Variants in PDE5A observed in about 807,000 individuals in gnomAD.
PDE5A encodes the protein phosphodiesterase 5A.
A neutral mutation model predicts 110.2 loss-of-function variants in PDE5A; 67 were observed. The observed-to-expected ratio is 0.61, with a 90% CI of 0.50 to 0.75. The LOEUF is 0.75. Among genes scored for constraint, PDE5A ranks in the 30% least tolerant of loss-of-function variants. The pLI is 0.00. For missense variants in PDE5A, 862 were observed against 1,045.1 expected (o/e 0.82, Z 2.42); for synonymous variants, 328 against 351.2 (o/e 0.93, Z 0.74).
At chr4:119,624,919 T>C (rs904626496) in intron 1 of PDE5A, among the ~76,000 whole-genome samples, 3 of 152,230 alleles carry the variant, frequency 2.0e-5, no homozygotes, top group African/African-American at 7.2e-5. Flanking sequence ...CAAATTAATT[T>C]TTATGCCAAC....
intron 18 of PDE5A, among the ~76,000 whole-genome samples, chr4:119,503,945 A>T (rs1233231397): frequency 4.3e-5 from 3 of 70,442 alleles, no homozygotes; most frequent in Non-Finnish European, 1.1e-4. Flanking sequence ...AAACTTACTT[A>T]AAAAAATTTT....
intron 3 of PDE5A, among the ~76,000 whole-genome samples, chr4:119,586,899 T>G (rs1728783805): frequency 6.6e-6 from 1 of 152,208 alleles, no homozygotes; most frequent in South Asian, 2.1e-4. Context: ...GCCTACCACA[T>G]TAATTTAATC....
In PDE5A at chr4:119,495,708, G is replaced by A. The variant is rs201718410; in HGVS notation, c.*2893C>T. Reference sequence around the variant, plus strand: ...AACTATTATTCAAAATTAAGAGACAGTGGTGACAACATCATCATCCTGGGT... The same window carrying A: ...AACTATTATTCAAAATTAAGAGACAATGGTGACAACATCATCATCCTGGGT... On this transcript the variant is annotated 3_prime_UTR_variant, in exon 21 of 21. Coordinates refer to ENST00000354960, the MANE Select transcript of PDE5A (RefSeq NM_001083.4). 1 of 152,380 alleles carries A rather than the reference G, an allele frequency of 6.6e-6. No individual in the cohort carries two copies. The highest frequency in any genetic ancestry group is 1.5e-5 in the Non-Finnish European group (1 of 68,038). 9.4% of individuals were successfully genotyped at this position (152,380 alleles called of 1,614,324 possible).
At position 119,525,258 on chromosome 4, in the gene PDE5A, C is replaced by T. The variant is rs916267379; in HGVS notation, c.1779+291G>A. 6.6e-6 allele frequency among the ~76,000 whole-genome samples: 1 copy of T among 152,042 alleles called. No individual in the cohort carries two copies. Among genetic ancestry groups the T allele is most frequent in the African/African-American group, 2.4e-5 (1 of 41,406 alleles). On this transcript the variant is annotated intron_variant, in intron 12 of 20. Coordinates refer to ENST00000354960, the MANE Select transcript of PDE5A (RefSeq NM_001083.4). The surrounding 1 kb of genome is among the most constrained non-coding windows in gnomAD (Gnocchi z 4.3). Reference sequence around the variant, plus strand: ...TCTTACCCCTCAACAGTACTCCTGGCCCTCACCCCCAATCTCTGCTGTCAT... The same window carrying T: ...TCTTACCCCTCAACAGTACTCCTGGTCCTCACCCCCAATCTCTGCTGTCAT...
At chr4:119,573,337 C>T (rs550566846) in intron 3 of PDE5A, among the ~76,000 whole-genome samples, 2 of 152,340 alleles carry the variant, frequency 1.3e-5, no homozygotes, top group East Asian at 1.9e-4. Flanking sequence ...TCCTTATCAG[C>T]ATCTGGTGTT....
intron 12 of PDE5A, among the ~76,000 whole-genome samples, chr4:119,521,517 C>T (rs1460539756): frequency 1.3e-5 from 2 of 151,544 alleles, no homozygotes; most frequent in Admixed American, 1.3e-4. Flanking sequence ...CCCATGCTCT[C>T]ATGTTGTATA....
At chr4:119,587,638 C>T (rs1358175015) in intron 3 of PDE5A, among the ~76,000 whole-genome samples, 2 of 152,222 alleles carry the variant, frequency 1.3e-5, no homozygotes. Flanking sequence ...CCTGCCTCGA[C>T]TTCCCCAAGT....
intron 1 of PDE5A, 48 bp downstream of exon 1, chr4:119,628,472 A>G (rs754260984): frequency 2.7e-6 from 4 of 1,458,362 alleles, no homozygotes; most frequent in Non-Finnish European, 3.7e-6. Context: ...GCACAATTCA[A>G]CAGGGGAGAG....
intron 3 of PDE5A, among the ~76,000 whole-genome samples, chr4:119,581,949 G>C (rs1260454146): frequency 5.3e-5 from 8 of 152,194 alleles, no homozygotes; most frequent in African/African-American, 1.9e-4. Flanking sequence ...CTTTTTGCTG[G>C]TGAAGGGTCT....
At position 119,550,659 on chromosome 4, in the gene PDE5A, T is replaced by A. The variant is rs377371652; in HGVS notation, c.1396+1891A>T. 4.4e-4 allele frequency among the ~76,000 whole-genome samples: 67 copies of A among 152,308 alleles called. 2 individuals are homozygous for A. The East Asian group carries it at 9.1e-3, about 21-fold the overall frequency. On this transcript the variant is annotated intron_variant, in intron 9 of 20. Transcript: ENST00000354960. ...ATGTTGCTGGGGAAAAGTGAAGATG[T>A]GACTTGATGGGGCAAGCTGCCACTC...
At chr4:119,559,678 C>T (rs1450907358) in intron 7 of PDE5A, among the ~76,000 whole-genome samples, 1 of 152,060 alleles carries the variant, frequency 6.6e-6, no homozygotes, top group African/African-American at 2.4e-5. Context: ...GGATTCAATA[C>T]TAACTAAAAC....
intron 3 of PDE5A, among the ~76,000 whole-genome samples, chr4:119,581,076 A>G (rs1000560010): frequency 6.6e-6 from 1 of 152,190 alleles, no homozygotes; most frequent in Non-Finnish European, 1.5e-5. Flanking sequence ...CATTGCCTGT[A>G]CTTATTATGA....
intron 12 of PDE5A, among the ~76,000 whole-genome samples, chr4:119,521,881 C>T (rs1157720829): frequency 6.6e-6 from 1 of 151,934 alleles, no homozygotes; most frequent in East Asian, 1.9e-4. Flanking sequence ...CAGAATCTGC[C>T]TCTCTTCAAA....
chr4:119,613,789 G>A (rs2110556727), intron 1 of PDE5A, among the ~76,000 whole-genome samples: 1 of 151,828 alleles, frequency 6.6e-6, no homozygotes, highest in East Asian at 1.9e-4. Context: ...TTTAAACCTG[G>A]TGAGGCAGGC....
In PDE5A at chr4:119,494,410, T is replaced by G. The variant is rs200352130; in HGVS notation, c.*4191A>C. On this transcript the variant is annotated 3_prime_UTR_variant, in exon 21 of 21. Coordinates refer to ENST00000354960, the MANE Select transcript of PDE5A (RefSeq NM_001083.4). ...TCACACAGTATTCATACCTACTTGATCATTCTTTTTATTTTTACAAAGCAT... is the reference window on the plus strand; with the variant it reads ...TCACACAGTATTCATACCTACTTGAGCATTCTTTTTATTTTTACAAAGCAT... 3 of 152,254 alleles carry G rather than the reference T, an allele frequency of 2.0e-5. No individual in the cohort carries two copies. The East Asian group carries it at 5.8e-4, about 30-fold the overall frequency. 9.4% of individuals were successfully genotyped at this position (152,254 alleles called of 1,614,324 possible). A position where few individuals can be genotyped will look rare whatever the true frequency, so the allele number is the denominator to read the frequency against.
At chr4:119,599,486 G>GA (rs947479219) in intron 2 of PDE5A, among the ~76,000 whole-genome samples, 1 of 151,794 alleles carries the variant, frequency 6.6e-6, no homozygotes, top group African/African-American at 2.4e-5. Flanking sequence ...TGCAAGGAAA[G>GA]AAAAAACTAT....
chr4:119,550,240 T>A (rs557885430), intron 9 of PDE5A: 10 of 152,216 alleles, frequency 6.6e-5, no homozygotes, highest in Non-Finnish European at 1.5e-4. Context: ...TCCTTTCTTT[T>A]TATTTACAAA....
intron 1 of PDE5A, among the ~76,000 whole-genome samples, chr4:119,625,151 T>TG (rs1276410762): frequency 6.6e-6 from 1 of 151,766 alleles, no homozygotes; most frequent in Non-Finnish European, 1.5e-5. Flanking sequence ...GCGCGCGCCA[T>TG]ACCTGGCTAA....
chr4:119,625,008 T>C (rs1198105421), intron 1 of PDE5A, among the ~76,000 whole-genome samples: 3 of 151,350 alleles, frequency 2.0e-5, no homozygotes, highest in South Asian at 4.2e-4. Context: ...CTCCAAGTTA[T>C]AGCTTTTTTT....
Sources: allele counts gnomAD v4.1 joint callset (sites outside exome capture counted in the v4.1 genomes callset), GRCh38; gene constraint gnomAD v4.1.1; non-coding constraint Gnocchi (gnomAD v3.1); transcripts MANE v1.5; gene names NCBI Gene and HGNC (gene_info 2026-07-23, HGNC 2026-07-21).